Variants in PLEKHA6 observed in about 807,000 individuals in gnomAD.
PLEKHA6 encodes the protein pleckstrin homology domain containing A6, also known as pleckstrin homology domain-containing family A member 6.
A neutral mutation model predicts 116.7 loss-of-function variants in PLEKHA6; 60 were observed. That is an observed-to-expected ratio of 0.51 (90% CI 0.42 to 0.64). PLEKHA6 has a LOEUF of 0.64. Among genes scored for constraint, PLEKHA6 ranks in the 30% least tolerant of loss-of-function variants. PLEKHA6 has a pLI of 0.00. For synonymous variants in PLEKHA6, 489 were observed against 556.1 expected, an observed-to-expected ratio of 0.88 and a Z score of 1.70; for missense variants, 1,338 against 1,422.7, an observed-to-expected ratio of 0.94 and a Z score of 0.96.
intron 1 of PLEKHA6, among the ~76,000 whole-genome samples, chr1:204,278,824 T>C (rs759006503): frequency 2.6e-5 from 4 of 152,140 alleles, no homozygotes; most frequent in Non-Finnish European, 5.9e-5. Context: ...TTCCTGCCCA[T>C]ACATAACAGG....
At chr1:204,268,377 G>A in intron 3 of PLEKHA6, 65 bp from the exon 4 acceptor site, 1 of 1,159,702 alleles carries the variant, frequency 8.6e-7, no homozygotes, top group Non-Finnish European at 1.2e-6. Flanking sequence ...ATCTGCAAGG[G>A]AGCCACCCCT....
chr1:204,235,945 A>C (rs993647777), intron 17 of PLEKHA6, among the ~76,000 whole-genome samples: 1 of 152,046 alleles, frequency 6.6e-6, no homozygotes, highest in South Asian at 2.1e-4. Context: ...TTTGAGAGGC[A>C]CCCCCAACAC....
At chr1:204,288,877 T>C (rs576598831) in intron 1 of PLEKHA6, among the ~76,000 whole-genome samples, 8 of 152,354 alleles carry the variant, frequency 5.3e-5, no homozygotes, top group East Asian at 3.9e-4. Flanking sequence ...GCATAAACTA[T>C]GCAACCACAG....
chr1:204,265,063 A>G, intron 5 of PLEKHA6, 21 bp from the exon 6 acceptor site: 2 of 1,530,712 alleles, frequency 1.3e-6, no homozygotes, highest in Non-Finnish European at 1.8e-6. Context: ...GAGAGGCACA[A>G]GAAGGGTGTG....
At chr1:204,363,393 G>A (rs780038164), upstream of PLEKHA6, among the ~76,000 whole-genome samples, 53 of 152,334 alleles carry the variant, frequency 3.5e-4, no homozygotes, top group Non-Finnish European at 6.2e-4. Flanking sequence ...CTTCCTGGAG[G>A]AAGCTTCCAG....
chr1:204,308,687 C>CTTTTTTTTTTT lies in PLEKHA6; in HGVS notation c.-94-33889_-94-33879dup, dbSNP rs60251937. 7.0e-4 allele frequency among the ~76,000 whole-genome samples: 57 copies of CTTTTTTTTTTT among 81,408 alleles called. 5 individuals carry two copies. The highest frequency in any genetic ancestry group is 1.4e-3 in the African/African-American group (26 of 18,626). The allele number at this position is 81,408 out of a possible 152,430, so 53.4% of individuals were successfully genotyped here. A position where few individuals can be genotyped will look rare whatever the true frequency, so the allele number is the denominator to read the frequency against. On this transcript the variant is annotated intron_variant, in intron 1 of 22. Coordinates refer to ENST00000272203, the MANE Select transcript of PLEKHA6 (RefSeq NM_014935.5). Reference sequence around the variant, plus strand: ...CAAGAAGGTAATTCTTTTTCTTTTTCTTTTTTTTTTTTTTTTTTTTTGAGA... The same window carrying CTTTTTTTTTTT: ...CAAGAAGGTAATTCTTTTTCTTTTTCTTTTTTTTTTTTTTTTTTTTTTTTTTTTTTTTGAGA...
rs1202602365 is a variant in PLEKHA6 at position 204,220,300 on chromosome 1, A to G, written c.*2488T>C. Reference sequence around the variant, plus strand: ...GAGGATTCACGCCTGACAACCGCAGAGGGTCATCAGGAGCAGACAGTGTAA... The same window carrying G: ...GAGGATTCACGCCTGACAACCGCAGGGGGTCATCAGGAGCAGACAGTGTAA... On this transcript the variant is annotated 3_prime_UTR_variant, in exon 23 of 23. Coordinates refer to ENST00000272203, the MANE Select transcript of PLEKHA6 (RefSeq NM_014935.5). 2 of 152,230 alleles carry G rather than the reference A, an allele frequency of 1.3e-5. No homozygotes were observed. Among genetic ancestry groups the G allele is most frequent in the African/African-American group, 4.8e-5 (2 of 41,456 alleles). 9.4% of individuals were successfully genotyped at this position (152,230 alleles called of 1,614,324 possible).
chr1:204,355,869 A>G (rs1254883596), intron 1 of PLEKHA6, among the ~76,000 whole-genome samples: 1 of 152,164 alleles, frequency 6.6e-6, no homozygotes, highest in East Asian at 1.9e-4. Context: ...GTCACATTTG[A>G]TAAGTCTCTT....
intron 9 of PLEKHA6, among the ~76,000 whole-genome samples, chr1:204,255,218 T>C (rs1402196431): frequency 6.6e-6 from 1 of 152,102 alleles, no homozygotes; most frequent in African/African-American, 2.4e-5. Context: ...CTGTAAAATA[T>C]GATAAGATGA....
chr1:204,302,906 A>AAAAGAG (rs1432406612), intron 1 of PLEKHA6, among the ~76,000 whole-genome samples: 1 of 151,988 alleles, frequency 6.6e-6, no homozygotes, highest in Non-Finnish European at 1.5e-5. Flanking sequence ...AAGAAAAAGA[A>AAAAGAG]AACCACTGCC....
chr1:204,334,636 T>C (rs542282645), intron 1 of PLEKHA6, among the ~76,000 whole-genome samples: 1 of 152,302 alleles, frequency 6.6e-6, no homozygotes, highest in East Asian at 1.9e-4. Context: ...GGGTGGTTCA[T>C]GCCTGTCATC....
intron 1 of PLEKHA6, chr1:204,313,669 G>T: frequency 1.0e-6 from 1 of 985,248 alleles, no homozygotes; most frequent in Non-Finnish European, 1.2e-6. Flanking sequence ...CCCATCCTCA[G>T]GTGGCTGTCT....
chr1:204,260,674 A>ACC (rs1337864854), intron 7 of PLEKHA6, among the ~76,000 whole-genome samples: 1 of 151,764 alleles, frequency 6.6e-6, no homozygotes, highest in African/African-American at 2.4e-5. Context: ...ACACTGTGAA[A>ACC]CCCCCTTTTC....
chr1:204,371,100 T>C (rs1456407006), intron 2 of PLEKHA6, among the ~76,000 whole-genome samples: 1 of 150,932 alleles, frequency 6.6e-6, no homozygotes, highest in Non-Finnish European at 1.5e-5. Flanking sequence ...GTGATGCTTG[T>C]AACATTTCAG....
intron 1 of PLEKHA6, among the ~76,000 whole-genome samples, chr1:204,287,618 T>C (rs1669332241): frequency 1.3e-5 from 2 of 152,182 alleles, no homozygotes; most frequent in South Asian, 2.1e-4. Flanking sequence ...TCACCACACC[T>C]GACTCTGCTA....
At position 204,257,410 on chromosome 1, in the gene PLEKHA6, C is replaced by T. The variant is rs757497783; in HGVS notation, c.1467G>A (p.Glu489=). Residue 489 remains glutamate (E), a synonymous_variant, in exon 9 of 23, where the codon GAG becomes GAA. Coordinates refer to ENST00000272203, the MANE Select transcript of PLEKHA6 (RefSeq NM_014935.5). The surrounding 1 kb of genome is among the most constrained non-coding windows in gnomAD (Gnocchi z 6.5). Reference sequence around the variant, plus strand: ...AGGCAGCAGGGTCAGCATAGATGTCCTCACTGCGAGGTGGCAGCCGCTCAA... The same window carrying T: ...AGGCAGCAGGGTCAGCATAGATGTCTTCACTGCGAGGTGGCAGCCGCTCAA... The part of the protein sequence containing the change: ...ARFERLPPRS[E]DIYADPAAYV... 4.5e-6 allele frequency: 7 copies of T among 1,564,154 alleles called. No homozygotes were observed. In the East Asian group the frequency reaches 1.7e-4, roughly 37 times the overall value.
At chr1:204,370,578 T>C (rs1455320582) in intron 2 of PLEKHA6, among the ~76,000 whole-genome samples, 1 of 152,222 alleles carries the variant, frequency 6.6e-6, no homozygotes, top group African/African-American at 2.4e-5. Flanking sequence ...TTTTCCTTGG[T>C]TGTTTCTTCA....
intron 9 of PLEKHA6, chr1:204,256,768 G>T: frequency 1.8e-6 from 1 of 566,404 alleles, no homozygotes; most frequent in Non-Finnish European, 3.2e-6. Flanking sequence ...GTGCGGGGAG[G>T]CCCTGAGACA....
At chr1:204,270,080 G>C (rs1182002185) in intron 3 of PLEKHA6, among the ~76,000 whole-genome samples, 1 of 152,114 alleles carries the variant, frequency 6.6e-6, no homozygotes, top group Non-Finnish European at 1.5e-5. Context: ...GCACTGTTAT[G>C]GAATTAAGGC....
Sources: gnomAD v4.1 joint callset for allele counts (sites outside exome capture counted in the v4.1 genomes callset) on GRCh38, gnomAD v4.1.1 for gene constraint, Gnocchi (gnomAD v3.1) non-coding constraint, MANE v1.5 for transcripts, NCBI Gene and HGNC (gene_info 2026-07-23, HGNC 2026-07-21) for gene names.